Variants in TM2D1 observed in about 807,000 individuals in gnomAD.
The protein encoded by TM2D1 is TM2 domain containing 1.
In TM2D1, 15 loss-of-function variants were observed where a neutral mutation model predicts 28.4. The observed-to-expected ratio is 0.53, with a 90% CI of 0.35 to 0.81. The LOEUF is 0.81. Among genes scored for constraint, TM2D1 ranks in the 40% least tolerant of loss-of-function variants. The pLI, the probability that TM2D1 is intolerant of heterozygous loss-of-function variation, is 0.01. For synonymous variants in TM2D1, 93 were observed against 96.2 expected (o/e 0.97, Z 0.20); for missense variants, 236 against 254.9 (o/e 0.93, Z 0.50).
At chr1:61,691,812 G>T (rs1177945864) in intron 5 of TM2D1, among the ~76,000 whole-genome samples, 2 of 150,480 alleles carry the variant, frequency 1.3e-5, no homozygotes, top group Non-Finnish European at 3.0e-5. Context: ...CTACTCAGGA[G>T]GCTGAGGCAG....
chr1:61,705,468 G>A (rs1243897347), intron 3 of TM2D1, among the ~76,000 whole-genome samples: 1 of 152,112 alleles, frequency 6.6e-6, no homozygotes, highest in Non-Finnish European at 1.5e-5. Flanking sequence ...TTACAGGAGT[G>A]AGCCACCACA....
intron 4 of TM2D1, chr1:61,700,038 T>C (rs879043773): frequency 6.5e-6 from 8 of 1,226,406 alleles, no homozygotes; most frequent in South Asian, 3.0e-5. Context: ...TTAAATTTGC[T>C]CAGTGAAGGG....
chr1:61,683,359 A>C, intron 6 of TM2D1, 58 bp downstream of exon 6: 1 of 565,446 alleles, frequency 1.8e-6, no homozygotes, highest in African/African-American at 2.0e-5. Flanking sequence ...AAATTCTCAT[A>C]ATTTTATATG....
chr1:61,690,770 T>C (rs1368115528), intron 5 of TM2D1, among the ~76,000 whole-genome samples: 1 of 152,298 alleles, frequency 6.6e-6, no homozygotes, highest in East Asian at 1.9e-4. Context: ...TCAAATCCAT[T>C]GTTTAAAAGT....
chr1:61,682,035 C>T (rs1386264610), intron 6 of TM2D1, among the ~76,000 whole-genome samples: 2 of 152,206 alleles, frequency 1.3e-5, no homozygotes, highest in African/African-American at 4.8e-5. Flanking sequence ...TGAATAAATT[C>T]CTTACATCTT....
At chr1:61,700,461 A>G (rs1644393360) in intron 4 of TM2D1, among the ~76,000 whole-genome samples, 1 of 152,208 alleles carries the variant, frequency 6.6e-6, no homozygotes, top group Non-Finnish European at 1.5e-5. Flanking sequence ...GCTAAGGGTG[A>G]TAGAAGTCAG....
At chr1:61,706,491 C>A (rs1476272679) in intron 3 of TM2D1, among the ~76,000 whole-genome samples, 2 of 151,974 alleles carry the variant, frequency 1.3e-5, no homozygotes, top group Middle Eastern at 3.4e-3. Context: ...AGCCACCACG[C>A]CGAGCCACAA....
chr1:61,720,090 T>C (rs1185448196), intron 2 of TM2D1, among the ~76,000 whole-genome samples: 2 of 152,184 alleles, frequency 1.3e-5, no homozygotes, highest in African/African-American at 4.8e-5. Flanking sequence ...TACTATACTT[T>C]AATACAAACT....
Position 61,725,090 on chromosome 1 carries a change from C to G in TM2D1, c.31G>C (p.Ala11Pro). Reference protein sequence around the residue: MAAAWPSGPSAPEAVTARLVG... With the variant: MAAAWPSGPSPPEAVTARLVG... ...AGTCTGGCCGTCACGGCCTCCGGAG[C>G]AGACGGACCAGACGGCCAGGCGGCC... Residue 11 changes from alanine (A) to proline (P), a missense_variant, in exon 1 of 7, where the codon GCT (alanine) becomes CCT (proline). By Grantham distance (27) the Ala-to-Pro change is conservative. Around this residue, in one of 3 missense-constraint regions of TM2D1, gnomAD observed 167 missense variants for 162.7 expected, o/e 1.03. Transcript: ENST00000606498. 1 of 1,613,656 alleles carries G rather than the reference C, an allele frequency of 6.2e-7. No individual in the cohort carries two copies. The highest frequency in any genetic ancestry group is 8.5e-7 in the Non-Finnish European group (1 of 1,179,880).
rs541878024 is a variant in TM2D1, at chr1:61,719,682, A to G, written c.238+4031T>C. On this transcript the variant is annotated intron_variant, in intron 2 of 6. Transcript: ENST00000606498. The stretch of plus-strand genomic sequence containing the variant: ...TAATTTTGTATTTTTTTTAGTAGAG[A>G]CGGGGTTTCTCCATGTTGGTGGGGC... 2.0e-5 allele frequency among the ~76,000 whole-genome samples: 3 copies of G among 151,866 alleles called. No individual in the cohort carries two copies. The South Asian group carries it at 6.2e-4, about 32-fold the overall frequency.
At chr1:61,700,841 T>C (rs780568118) in intron 4 of TM2D1, 93 bp downstream of exon 4, 1 of 901,298 alleles carries the variant, frequency 1.1e-6, no homozygotes, top group Non-Finnish European at 1.7e-6. Flanking sequence ...ATAGAACTTA[T>C]AATAAATACA....
chr1:61,713,493 A>AC (rs1280921155), intron 2 of TM2D1, among the ~76,000 whole-genome samples: 5 of 135,758 alleles, frequency 3.7e-5, no homozygotes, highest in African/African-American at 1.1e-4. Flanking sequence ...AAAAACAAAA[A>AC]AAAAAAAAAA....
rs561585734 is a variant in TM2D1, at chr1:61,703,500, C to T, written c.348-2475G>A. ...CGATCTCGGCTTATTGCAACCTCCA[C>T]CTTCCGGGTTCAAGCAATTCTCCTG... On this transcript the variant is annotated intron_variant, in intron 3 of 6. Transcript: ENST00000606498. Among the ~76,000 whole-genome samples the T allele has an allele frequency of 1.6e-4, 24 of 146,386 alleles. No individual in the cohort carries two copies. In the South Asian group the frequency reaches 5.1e-3, roughly 31 times the overall value.
chr1:61,696,637 A>G (rs1259270332), intron 4 of TM2D1, among the ~76,000 whole-genome samples: 17 of 152,184 alleles, frequency 1.1e-4, no homozygotes, highest in African/African-American at 4.1e-4. Context: ...CATGAAGAAT[A>G]GGTAATCACA....
chr1:61,714,617 C>T (rs532139786), intron 2 of TM2D1, among the ~76,000 whole-genome samples: 5 of 152,148 alleles, frequency 3.3e-5, no homozygotes, highest in African/African-American at 1.2e-4. Flanking sequence ...TGCAATGGCA[C>T]GATTACGGCT....
chr1:61,713,125 G>A (rs554823320), intron 2 of TM2D1, among the ~76,000 whole-genome samples: 6 of 149,822 alleles, frequency 4.0e-5, no homozygotes, highest in Admixed American at 1.3e-4. Flanking sequence ...AGTTGAGATT[G>A]CGCCACTGCA....
chr1:61,707,249 T>G (rs1399187115), intron 3 of TM2D1, among the ~76,000 whole-genome samples: 1 of 152,180 alleles, frequency 6.6e-6, no homozygotes, highest in African/African-American at 2.4e-5. Context: ...AGGAAGACTC[T>G]GTCTCAAAAA....
At chr1:61,698,532 T>G (rs1644379169) in intron 4 of TM2D1, 1 of 142,986 alleles carries the variant, frequency 7.0e-6, no homozygotes, top group African/African-American at 2.7e-5. Flanking sequence ...CACTCTATCC[T>G]GGGCAACAAG....
chr1:61,684,914 A>C (rs772881597), intron 5 of TM2D1, among the ~76,000 whole-genome samples: 17 of 152,250 alleles, frequency 1.1e-4, no homozygotes, highest in Admixed American at 3.3e-4. Context: ...AGTAGCTGGG[A>C]CCACAGGTGG....
Sources: gnomAD v4.1 joint callset for allele counts (sites outside exome capture counted in the v4.1 genomes callset) on GRCh38, gnomAD v4.1.1 for gene constraint, gnomAD v4.1.1 regional missense constraint, MANE v1.5 for transcripts, NCBI Gene and HGNC (gene_info 2026-07-23, HGNC 2026-07-21) for gene names.